The following CMTM8 variants were observed in gnomAD, a reference collection of about 807,000 sequenced individuals.
CMTM8 encodes CKLF like MARVEL transmembrane domain containing 8, also known as CKLF-like MARVEL transmembrane domain-containing protein 8.
CMTM8 carries 12 observed loss-of-function variants against 18.6 expected under a neutral mutation model. The observed-to-expected ratio is 0.65, with a 90% CI of 0.41 to 1.05. The LOEUF is 1.05. Among genes scored for constraint, CMTM8 ranks in the 50% least tolerant of loss-of-function variants. The pLI is 0.00. For missense variants in CMTM8, 217 were observed against 227.2 expected (o/e 0.95, Z 0.29); for synonymous variants, 87 against 90.6 (o/e 0.96, Z 0.23).
chr3:32,256,725 C>T (rs755151529), intron 1 of CMTM8, among the ~76,000 whole-genome samples: 2 of 152,200 alleles, frequency 1.3e-5, no homozygotes, highest in Non-Finnish European at 2.9e-5. Flanking sequence ...TGGGATCTCT[C>T]CCTGCCCTCA....
intron 1 of CMTM8, among the ~76,000 whole-genome samples, chr3:32,352,870 G>C (rs865812413): frequency 2.7e-5 from 1 of 37,088 alleles, no homozygotes; most frequent in South Asian, 2.4e-3. Flanking sequence ...TAAAACATAG[G>C]TTCTGTTTTT....
At chr3:32,327,795 C>A (rs1206816790) in intron 1 of CMTM8, among the ~76,000 whole-genome samples, 2 of 152,212 alleles carry the variant, frequency 1.3e-5, no homozygotes, top group Admixed American at 6.5e-5. Flanking sequence ...GATTGGCCAC[C>A]TTCTCCATGC....
chr3:32,309,300 ATTTTTTTTT>A (rs4038996), intron 1 of CMTM8, among the ~76,000 whole-genome samples: 1 of 96,436 alleles, frequency 1.0e-5, no homozygotes, highest in Non-Finnish European at 2.0e-5. Context: ...CAATTTACCA[ATTTTTTTTT>A]TTTTTTTTTT....
At chr3:32,346,960 A>G in intron 1 of CMTM8, among the ~76,000 whole-genome samples, 2 of 151,480 alleles carry the variant, frequency 1.3e-5, no homozygotes, top group Non-Finnish European at 2.9e-5. Context: ...AGCTGGGACT[A>G]TAGGCATGCA....
chr3:32,359,071 A>G (rs900557383), intron 2 of CMTM8, among the ~76,000 whole-genome samples: 2 of 152,176 alleles, frequency 1.3e-5, no homozygotes, highest in East Asian at 1.9e-4. Context: ...AATTGTTGGG[A>G]TGGAGGAATG....
rs746383143 is a variant in CMTM8, at chr3:32,238,953, AGCCCGGCAGTG to A, written c.-17_-7del. ...CCGCCGGGGTCCCTGGGGACGCGCC[AGCCCGGCAGTG>A]GCTCGACGATGGAGGAGCCGCAGCG... On this transcript the variant is annotated 5_prime_UTR_variant, in exon 1 of 4. Coordinates refer to ENST00000307526, the MANE Select transcript of CMTM8 (RefSeq NM_178868.5). 1 of 1,543,222 alleles carries A rather than the reference AGCCCGGCAGTG, an allele frequency of 6.5e-7. No homozygotes were observed. Among genetic ancestry groups the A allele is most frequent in the South Asian group, 1.2e-5 (1 of 83,098 alleles).
At chr3:32,279,871 C>T (rs1218826006) in intron 1 of CMTM8, among the ~76,000 whole-genome samples, 2 of 144,520 alleles carry the variant, frequency 1.4e-5, no homozygotes, top group South Asian at 2.4e-4. Context: ...GATTGCCATT[C>T]TAACTGGTGT....
intron 1 of CMTM8, among the ~76,000 whole-genome samples, chr3:32,260,975 A>G (rs1307184557): frequency 6.6e-6 from 1 of 152,182 alleles, no homozygotes; most frequent in African/African-American, 2.4e-5. Flanking sequence ...TAACCCCAGC[A>G]CTTTGGGAGG....
chr3:32,244,210 CAG>C (rs1286838446), intron 1 of CMTM8, among the ~76,000 whole-genome samples: 3 of 152,318 alleles, frequency 2.0e-5, no homozygotes, highest in Non-Finnish European at 2.9e-5. Context: ...TTTTTTGAGA[CAG>C]AGTCTCACTG....
At chr3:32,305,009 T>A (rs961761814) in intron 1 of CMTM8, among the ~76,000 whole-genome samples, 1 of 152,220 alleles carries the variant, frequency 6.6e-6, no homozygotes, top group African/African-American at 2.4e-5. Flanking sequence ...CTGAGAACCA[T>A]CTCTTTAAGA....
chr3:32,323,662 C>G (rs1251454797), intron 1 of CMTM8, among the ~76,000 whole-genome samples: 1 of 152,182 alleles, frequency 6.6e-6, no homozygotes, highest in Non-Finnish European at 1.5e-5. Flanking sequence ...TGTCTGTGAC[C>G]TTGAACTGCT....
chr3:32,369,734 T>A, intron 3 of CMTM8, 150 bp from the exon 4 acceptor site: 1 of 467,744 alleles, frequency 2.1e-6, no homozygotes, highest in Non-Finnish European at 4.0e-6. Context: ...TTGAGAAGGA[T>A]AGTAATTGAA....
At chr3:32,297,397 C>A (rs921893636) in intron 1 of CMTM8, among the ~76,000 whole-genome samples, 10 of 152,180 alleles carry the variant, frequency 6.6e-5, no homozygotes, top group African/African-American at 2.4e-4. Context: ...CCAGGTTGGT[C>A]TCCAACTCCT....
chr3:32,349,770 G>A (rs768001765), intron 1 of CMTM8, among the ~76,000 whole-genome samples: 6 of 152,158 alleles, frequency 3.9e-5, no homozygotes, highest in Non-Finnish European at 7.3e-5. Flanking sequence ...CACTTTAGGA[G>A]GCCAAGGCAG....
chr3:32,370,071 A>C lies in CMTM8; in HGVS notation c.*104A>C. 2 of 588,996 alleles carry C rather than the reference A, an allele frequency of 3.4e-6. No individual in the cohort carries two copies. The highest frequency in any genetic ancestry group is 3.0e-5 in the South Asian group (1 of 33,756). 36.5% of individuals were successfully genotyped at this position (588,996 alleles called of 1,614,324 possible). A position where few individuals can be genotyped will look rare whatever the true frequency, so the allele number is the denominator to read the frequency against. ...CCAGAGAATTGTATTTAACTAATTAATGTTTTTTATATTCTTAAATTTGCT... is the reference window on the plus strand; with the variant it reads ...CCAGAGAATTGTATTTAACTAATTACTGTTTTTTATATTCTTAAATTTGCT... On this transcript the variant is annotated 3_prime_UTR_variant, in exon 4 of 4. Coordinates refer to ENST00000307526, the MANE Select transcript of CMTM8 (RefSeq NM_178868.5).
intron 1 of CMTM8, among the ~76,000 whole-genome samples, chr3:32,317,970 G>A (rs749078557): frequency 3.4e-5 from 5 of 148,920 alleles, no homozygotes; most frequent in African/African-American, 9.9e-5. Flanking sequence ...CAGGAGAATC[G>A]CTTGAAACCA....
intron 1 of CMTM8, among the ~76,000 whole-genome samples, chr3:32,284,009 G>C (rs1348410366): frequency 6.6e-6 from 1 of 152,210 alleles, no homozygotes; most frequent in African/African-American, 2.4e-5. Context: ...CCAGCACTTT[G>C]GGGGAGCCGA....
At chr3:32,289,869 A>T (rs1194537373) in intron 1 of CMTM8, among the ~76,000 whole-genome samples, 1 of 152,168 alleles carries the variant, frequency 6.6e-6, no homozygotes, top group Non-Finnish European at 1.5e-5. Context: ...GATGGTGCAC[A>T]CCTGTAATCC....
intron 1 of CMTM8, among the ~76,000 whole-genome samples, chr3:32,321,453 A>T (rs1198046790): frequency 6.6e-6 from 1 of 152,112 alleles, no homozygotes; most frequent in Non-Finnish European, 1.5e-5. Flanking sequence ...TGTGCTGAGG[A>T]TGAGTGTGCC....
Sources: gnomAD v4.1 joint callset for allele counts (sites outside exome capture counted in the v4.1 genomes callset) on GRCh38, gnomAD v4.1.1 for gene constraint, MANE v1.5 for transcripts, NCBI Gene and HGNC (gene_info 2026-07-23, HGNC 2026-07-21) for gene names.